The following SEC22C variants were observed in gnomAD, a reference collection of about 807,000 sequenced individuals.
SEC22C encodes the protein vesicle-trafficking protein SEC22c.
SEC22C carries 29 observed loss-of-function variants against 34.7 expected under a neutral mutation model. That is an observed-to-expected ratio of 0.84 (90% CI 0.62 to 1.14). The LOEUF (loss-of-function observed/expected upper bound fraction) is 1.14, where lower values mean the gene tolerates loss of function less well. SEC22C is among the 50% of genes most tolerant of loss of function. SEC22C has a pLI of 0.00. For missense variants in SEC22C, 337 were observed against 369.0 expected, an observed-to-expected ratio of 0.91 and a Z score of 0.71; for synonymous variants, 117 against 132.8, an observed-to-expected ratio of 0.88 and a Z score of 0.82.
At chr3:42,595,343 G>T (rs532070137) in intron 1 of SEC22C, among the ~76,000 whole-genome samples, 5 of 152,192 alleles carry the variant, frequency 3.3e-5, no homozygotes, top group African/African-American at 1.2e-4. Context: ...ATTCTCTCGT[G>T]TTCTACATAC....
intron 4 of SEC22C, among the ~76,000 whole-genome samples, chr3:42,559,124 A>G (rs986480118): frequency 6.6e-6 from 1 of 152,232 alleles, no homozygotes; most frequent in Admixed American, 6.5e-5. Context: ...GGTTCACACA[A>G]TTAAATGGTG....
At chr3:42,594,391 C>T (rs754119553) in intron 1 of SEC22C, 10 of 1,567,376 alleles carry the variant, frequency 6.4e-6, no homozygotes, top group Non-Finnish European at 8.8e-6. Flanking sequence ...AAAAACAAGC[C>T]TCTGATTTTT....
At chr3:42,561,427 G>A in intron 3 of SEC22C, 131 bp from the exon 4 acceptor site, 1 of 834,228 alleles carries the variant, frequency 1.2e-6, no homozygotes, top group Non-Finnish European at 1.9e-6. Context: ...CTGGAGTGCA[G>A]TGCAGTGGTG....
chr3:42,557,024 G>A (rs1033583081), intron 5 of SEC22C, among the ~76,000 whole-genome samples: 10 of 152,108 alleles, frequency 6.6e-5, no homozygotes, highest in Admixed American at 2.6e-4. Context: ...ACACCCGGCC[G>A]ATACCTTCTT....
At chr3:42,556,042 G>A (rs1304769409) in intron 5 of SEC22C, 47 bp from the exon 6 acceptor site, 2 of 1,455,094 alleles carry the variant, frequency 1.4e-6, no homozygotes, top group Non-Finnish European at 1.9e-6. Flanking sequence ...TTAGATGAAA[G>A]GAAACACTGT....
At chr3:42,563,176 G>A (rs1463774105) in intron 3 of SEC22C, among the ~76,000 whole-genome samples, 1 of 152,210 alleles carries the variant, frequency 6.6e-6, no homozygotes, top group African/African-American at 2.4e-5. Context: ...ACATGTAAAA[G>A]AATAAGCATA....
At chr3:42,579,139 T>C (rs1199348958) in intron 1 of SEC22C, among the ~76,000 whole-genome samples, 1 of 152,044 alleles carries the variant, frequency 6.6e-6, no homozygotes, top group African/African-American at 2.4e-5. Context: ...TAGCTAGGTA[T>C]GGTGGTACAT....
chr3:42,558,833 T>C (rs1043652134), intron 4 of SEC22C, among the ~76,000 whole-genome samples: 12 of 152,104 alleles, frequency 7.9e-5, no homozygotes, highest in Admixed American at 6.6e-4. Flanking sequence ...CAGTTTCTTA[T>C]ACTACCAGAG....
At chr3:42,591,596 C>G in intron 1 of SEC22C, 1 of 1,611,556 alleles carries the variant, frequency 6.2e-7, no homozygotes, top group Non-Finnish European at 8.5e-7. Flanking sequence ...GGAACGAGTG[C>G]GTGCAGTAAG....
At chr3:42,558,020 T>C (rs1485428596) in intron 4 of SEC22C, among the ~76,000 whole-genome samples, 3 of 152,194 alleles carry the variant, frequency 2.0e-5, no homozygotes, top group Admixed American at 6.5e-5. Context: ...CAGTGGATAT[T>C]TGGCCATGTC....
intron 2 of SEC22C, 32 bp from the exon 3 acceptor site, chr3:42,563,718 G>A: frequency 1.2e-6 from 2 of 1,612,698 alleles, no homozygotes; most frequent in Non-Finnish European, 1.7e-6. Flanking sequence ...TGTATTACCA[G>A]GAAACAGCCC....
chr3:42,568,737 G>C, intron 2 of SEC22C, 128 bp downstream of exon 2: 1 of 728,108 alleles, frequency 1.4e-6, no homozygotes, highest in South Asian at 1.9e-5. Context: ...AGACACACAT[G>C]ATCTCAGACC....
chr3:42,591,696 T>C, intron 1 of SEC22C: 1 of 897,036 alleles, frequency 1.1e-6, no homozygotes, highest in Non-Finnish European at 1.8e-6. Flanking sequence ...GGGTGATTGA[T>C]CGCAGTTAAG....
chr3:42,572,329 C>G (rs1703693426), intron 1 of SEC22C, among the ~76,000 whole-genome samples: 1 of 152,104 alleles, frequency 6.6e-6, no homozygotes, highest in Non-Finnish European at 1.5e-5. Flanking sequence ...TCTACTCCAG[C>G]CAAACATCAC....
intron 1 of SEC22C, chr3:42,600,949 C>T: frequency 3.5e-6 from 5 of 1,430,898 alleles, no homozygotes; most frequent in Non-Finnish European, 4.7e-6. Flanking sequence ...CGCCCTCGCC[C>T]CTGCCCTGAC....
At chr3:42,556,801 G>A (rs909229071) in intron 5 of SEC22C, among the ~76,000 whole-genome samples, 4 of 152,070 alleles carry the variant, frequency 2.6e-5, no homozygotes, top group African/African-American at 9.7e-5. Context: ...TTGGCTCACT[G>A]CAACCCCTGC....
rs1341128419 is a variant in SEC22C, at chr3:42,554,990, C to CA, written c.711+939dup. Among the ~76,000 whole-genome samples, 1,079 of 138,706 alleles carry CA rather than the reference C, an allele frequency of 7.8e-3. 12 individuals are homozygous for CA. The highest frequency in any genetic ancestry group is 0.029 in the African/African-American group (1,009 of 34,604). 91.0% of individuals were successfully genotyped at this position (138,706 alleles called of 152,430 possible). ...TTACTATTTAAAACAACAACAACAA[C>CA]AACAACAAAAAAATCAGCAGTTCTT... On this transcript the variant is annotated intron_variant, in intron 6 of 6. Transcript: ENST00000264454.
intron 1 of SEC22C, among the ~76,000 whole-genome samples, chr3:42,596,348 T>C (rs1705029960): frequency 6.6e-6 from 1 of 152,210 alleles, no homozygotes; most frequent in African/African-American, 2.4e-5. Context: ...TAGAAAATTA[T>C]TTTGTCTGTT....
chr3:42,582,973 C>T (rs1410599723), upstream of SEC22C, among the ~76,000 whole-genome samples: 1 of 152,088 alleles, frequency 6.6e-6, no homozygotes, highest in Non-Finnish European at 1.5e-5. Context: ...GTGAATGTAC[C>T]AAATGCCACA....
Sources: allele counts gnomAD v4.1 joint callset (sites outside exome capture counted in the v4.1 genomes callset), GRCh38; gene constraint gnomAD v4.1.1; transcripts MANE v1.5; gene names NCBI Gene and HGNC (gene_info 2026-07-23, HGNC 2026-07-21).